Variants in SEMA5A observed in about 807,000 individuals in gnomAD.
SEMA5A encodes semaphorin 5A, also known as semaphorin-5A.
SEMA5A carries 55 observed loss-of-function variants against 135.5 expected under a neutral mutation model. That is an observed-to-expected ratio of 0.41 (90% CI 0.33 to 0.51). The LOEUF is 0.51. SEMA5A is among the 20% of genes least tolerant of loss of function. SEMA5A has a pLI of 0.37. For synonymous variants in SEMA5A, 580 were observed against 546.5 expected (o/e 1.06, Z -0.85); for missense variants, 1,290 against 1,419.9 (o/e 0.91, Z 1.47).
chr5:9,413,363 T>C (rs949158129), intron 2 of SEMA5A, among the ~76,000 whole-genome samples: 1 of 152,102 alleles, frequency 6.6e-6, no homozygotes, highest in Non-Finnish European at 1.5e-5. Context: ...ATAACACACC[T>C]GGATTCTGAG....
chr5:9,301,949 TAGGAGGGCCTAGGGGA>T, intron 5 of SEMA5A, among the ~76,000 whole-genome samples: 1 of 151,996 alleles, frequency 6.6e-6, no homozygotes, highest in East Asian at 1.9e-4. Context: ...TATGCTCCCC[TAGGAGGGCCTAGGGGA>T]GAATCCATCG....
At chr5:9,308,414 G>A (rs1276128030) in intron 5 of SEMA5A, among the ~76,000 whole-genome samples, 1 of 152,074 alleles carries the variant, frequency 6.6e-6, no homozygotes. Context: ...TTCTATATAT[G>A]CTCTAGAGCT....
intron 12 of SEMA5A, among the ~76,000 whole-genome samples, chr5:9,138,281 TTA>T (rs1741870442): frequency 6.6e-6 from 1 of 152,192 alleles, no homozygotes; most frequent in Non-Finnish European, 1.5e-5. Context: ...TTTATACTGT[TTA>T]TACTAACTCA....
chr5:9,448,822 C>G (rs1273070099), intron 1 of SEMA5A, among the ~76,000 whole-genome samples: 1 of 152,168 alleles, frequency 6.6e-6, no homozygotes, highest in African/African-American at 2.4e-5. Flanking sequence ...ACATGTGATG[C>G]TGGCTTTTCT....
At chr5:9,193,026 A>G (rs1403802972) in intron 10 of SEMA5A, among the ~76,000 whole-genome samples, 2 of 152,106 alleles carry the variant, frequency 1.3e-5, no homozygotes, top group African/African-American at 4.8e-5. Flanking sequence ...ATCTTTATTT[A>G]TATATCGCCT....
intron 1 of SEMA5A, among the ~76,000 whole-genome samples, chr5:9,514,323 T>C (rs996898379): frequency 6.6e-6 from 1 of 152,130 alleles, no homozygotes; most frequent in East Asian, 2.0e-4. Context: ...CATCATTCCT[T>C]TTGCCATGTC....
chr5:9,201,401 T>G (rs1012616580), intron 9 of SEMA5A, among the ~76,000 whole-genome samples: 3 of 152,192 alleles, frequency 2.0e-5, no homozygotes, highest in African/African-American at 7.2e-5. Context: ...ATACTATAAT[T>G]TTTACAAAAA....
intron 1 of SEMA5A, among the ~76,000 whole-genome samples, chr5:9,456,098 T>A (rs755924898): frequency 6.6e-6 from 1 of 152,216 alleles, no homozygotes; most frequent in Non-Finnish European, 1.5e-5. Flanking sequence ...GGCCTGCAGC[T>A]ACAGGACTTA....
intron 5 of SEMA5A, among the ~76,000 whole-genome samples, chr5:9,238,180 T>A (rs1748012437): frequency 6.6e-6 from 1 of 152,164 alleles, no homozygotes; most frequent in Non-Finnish European, 1.5e-5. Flanking sequence ...AGTTGGTGAC[T>A]ATAGCACTGA....
At chr5:9,259,364 T>C (rs1283188123) in intron 5 of SEMA5A, among the ~76,000 whole-genome samples, 2 of 152,088 alleles carry the variant, frequency 1.3e-5, no homozygotes, top group Non-Finnish European at 1.5e-5. Flanking sequence ...TGAGTGGCTT[T>C]GAGTGAGATT....
intron 3 of SEMA5A, among the ~76,000 whole-genome samples, chr5:9,377,620 T>A (rs1237542682): frequency 6.6e-6 from 1 of 152,138 alleles, no homozygotes; most frequent in Non-Finnish European, 1.5e-5. Flanking sequence ...AAGCTGTTAT[T>A]CTAAAATGAC....
chr5:9,270,557 A>C (rs1749917081), intron 5 of SEMA5A, among the ~76,000 whole-genome samples: 1 of 152,080 alleles, frequency 6.6e-6, no homozygotes, highest in South Asian at 2.1e-4. Context: ...AGGTACTGAG[A>C]GCGGGGGAAA....
intron 3 of SEMA5A, among the ~76,000 whole-genome samples, chr5:9,365,300 A>T (rs559391884): frequency 2.0e-5 from 3 of 152,292 alleles, no homozygotes; most frequent in African/African-American, 7.2e-5. Flanking sequence ...AATTTCAGTA[A>T]TCAAGATAAA....
At chr5:9,412,884 T>C (rs554609311) in intron 2 of SEMA5A, among the ~76,000 whole-genome samples, 98 of 152,204 alleles carry the variant, frequency 6.4e-4, no homozygotes, top group Non-Finnish European at 1.1e-3. Flanking sequence ...TTTAGTTTTT[T>C]AGATTAGAGA....
chr5:9,125,150 G>T (rs1340621331), intron 13 of SEMA5A, among the ~76,000 whole-genome samples: 1 of 152,088 alleles, frequency 6.6e-6, no homozygotes, highest in Non-Finnish European at 1.5e-5. Context: ...GACATGACCG[G>T]TTGGCCAAAT....
chr5:9,420,785 CA>C (rs796117499), intron 2 of SEMA5A, among the ~76,000 whole-genome samples: 133 of 152,260 alleles, frequency 8.7e-4, no homozygotes, highest in African/African-American at 3.1e-3. Flanking sequence ...GAGGTGGAAT[CA>C]GGTAGGTCAC....
At chr5:9,507,457 A>C (rs904550449) in intron 1 of SEMA5A, among the ~76,000 whole-genome samples, 1 of 152,140 alleles carries the variant, frequency 6.6e-6, no homozygotes, top group African/African-American at 2.4e-5. Context: ...CTCTTGTCAT[A>C]TATGCTTTTC....
chr5:9,430,474 G>C (rs1220205273), intron 2 of SEMA5A, among the ~76,000 whole-genome samples: 1 of 152,192 alleles, frequency 6.6e-6, no homozygotes, highest in Non-Finnish European at 1.5e-5. Context: ...GGTGGGAAAA[G>C]AGACAAGGTC....
At chr5:9,418,748 C>T (rs750940842) in intron 2 of SEMA5A, among the ~76,000 whole-genome samples, 19 of 152,164 alleles carry the variant, frequency 1.2e-4, no homozygotes, top group Non-Finnish European at 1.6e-4. Flanking sequence ...ACTCCTGGTG[C>T]TGATGAGGAC....
Sources: gnomAD v4.1 joint callset for allele counts (sites outside exome capture counted in the v4.1 genomes callset) on GRCh38, gnomAD v4.1.1 for gene constraint, MANE v1.5 for transcripts, NCBI Gene and HGNC (gene_info 2026-07-23, HGNC 2026-07-21) for gene names.